TTC13: variants seen among roughly 807,000 people sequenced by gnomAD.
TTC13 encodes the protein tetratricopeptide repeat domain 13.
Under a neutral mutation model 120.0 loss-of-function variants are expected in TTC13, and 62 were observed. The ratio of observed to expected loss-of-function variants is 0.52; its 90% CI spans 0.42 to 0.64. The LOEUF is 0.64. TTC13 is among the 30% of genes least tolerant of loss of function. The pLI is 0.00. For missense variants in TTC13, 824 were observed against 1,050.2 expected, an observed-to-expected ratio of 0.78 and a Z score of 2.98; for synonymous variants, 384 against 393.5, an observed-to-expected ratio of 0.98 and a Z score of 0.28.
At chr1:230,968,786 T>A (rs1677420773) in intron 1 of TTC13, among the ~76,000 whole-genome samples, 1 of 151,598 alleles carries the variant, frequency 6.6e-6, no homozygotes, top group Non-Finnish European at 1.5e-5. Flanking sequence ...AAACAAGGAG[T>A]TTAAGAGGAA....
intron 1 of TTC13, among the ~76,000 whole-genome samples, chr1:230,971,794 A>G (rs1677780682): frequency 6.6e-6 from 1 of 152,238 alleles, no homozygotes; most frequent in African/African-American, 2.4e-5. Context: ...GGAACAGAAC[A>G]GAAGAAGGAT....
intron 18 of TTC13, among the ~76,000 whole-genome samples, chr1:230,913,603 G>C (rs994100560): frequency 3.9e-5 from 6 of 152,134 alleles, no homozygotes; most frequent in Admixed American, 6.5e-5. Context: ...TTCCCATCTT[G>C]GCCTCCCAAT....
chr1:230,953,850 T>C (rs537988105), intron 4 of TTC13, among the ~76,000 whole-genome samples: 2 of 152,208 alleles, frequency 1.3e-5, no homozygotes, highest in Non-Finnish European at 2.9e-5. Context: ...AATACTTCAC[T>C]GAGGAGTCTC....
At chr1:230,965,548 G>A (rs954146737) in intron 1 of TTC13, among the ~76,000 whole-genome samples, 4 of 152,354 alleles carry the variant, frequency 2.6e-5, no homozygotes, top group Admixed American at 2.6e-4. Context: ...AACCACGATA[G>A]AGAACAGTTT....
intron 1 of TTC13, among the ~76,000 whole-genome samples, chr1:230,976,609 G>A (rs1439307131): frequency 6.6e-6 from 1 of 152,176 alleles, no homozygotes; most frequent in African/African-American, 2.4e-5. Flanking sequence ...AGCCAGGGGA[G>A]GTGATCTGAA....
At chr1:230,936,299 T>C (rs578219236) in intron 8 of TTC13, 9 of 453,490 alleles carry the variant, frequency 2.0e-5, no homozygotes, top group Non-Finnish European at 3.5e-5. Flanking sequence ...ATCAAGATTT[T>C]AAGGCGTTGG....
At chr1:230,915,741 A>G (rs944441494) in intron 18 of TTC13, among the ~76,000 whole-genome samples, 1 of 152,086 alleles carries the variant, frequency 6.6e-6, no homozygotes, top group Non-Finnish European at 1.5e-5. Context: ...ATTTTCTACA[A>G]TAAGATTATA....
At chr1:230,913,200 T>G (rs910970482) in intron 18 of TTC13, among the ~76,000 whole-genome samples, 1 of 152,160 alleles carries the variant, frequency 6.6e-6, no homozygotes, top group Non-Finnish European at 1.5e-5. Flanking sequence ...AAAAAAAAAG[T>G]GGAGCTGAAG....
At chr1:230,935,392 G>A (rs1352985600) in intron 8 of TTC13, among the ~76,000 whole-genome samples, 1 of 152,192 alleles carries the variant, frequency 6.6e-6, no homozygotes, top group African/African-American at 2.4e-5. Flanking sequence ...CTCTGAGAAT[G>A]AAGAGAAAGA....
At chr1:230,954,452 A>C (rs1251304003) in intron 3 of TTC13, 49 bp from the exon 4 acceptor site, 1 of 1,387,634 alleles carries the variant, frequency 7.2e-7, no homozygotes, top group Admixed American at 1.9e-5. Context: ...AAGTAGTTCT[A>C]ACTAGAATCA....
intron 1 of TTC13, among the ~76,000 whole-genome samples, chr1:230,974,775 G>A (rs1443729005): frequency 6.6e-6 from 1 of 152,140 alleles, no homozygotes; most frequent in African/African-American, 2.4e-5. Flanking sequence ...GTAGCATCTA[G>A]CAGGTATACA....
intron 17 of TTC13, among the ~76,000 whole-genome samples, chr1:230,917,072 T>C (rs940085492): frequency 1.3e-5 from 2 of 151,996 alleles, no homozygotes; most frequent in African/African-American, 4.8e-5. Flanking sequence ...GGGGAGAGCT[T>C]GTCTAGAAAC....
intron 1 of TTC13, among the ~76,000 whole-genome samples, chr1:230,974,076 C>CAA (rs56139200): frequency 3.7e-4 from 38 of 103,720 alleles, no homozygotes; most frequent in African/African-American, 8.4e-4. Flanking sequence ...TACTCCATCT[C>CAA]AAAAAAAAAA....
chr1:230,968,949 T>A (rs186104006), intron 1 of TTC13, among the ~76,000 whole-genome samples: 1 of 152,320 alleles, frequency 6.6e-6, no homozygotes, highest in East Asian at 1.9e-4. Context: ...TTATGGTGGA[T>A]GATAAGCTGA....
Position 230,912,682 on chromosome 1 carries a change from C to T in TTC13, c.2170G>A (p.Ala724Thr), listed in dbSNP as rs1425856261. Reference sequence around the variant, plus strand: ...TTTGCTGTCAAATCTTTATAAAGTGCATCTATTTCAGCATGATATAATTGT... The same window carrying T: ...TTTGCTGTCAAATCTTTATAAAGTGTATCTATTTCAGCATGATATAATTGT... ...RTQLYHAEID[A>T]LYKDLTAKGK... The change falls in exon 19 of 23, where the codon GCA becomes ACA. Residue 724 changes from alanine to threonine, a missense_variant. Around this residue, in one of 4 missense-constraint regions of TTC13, gnomAD observed 226 missense variants for 259.1 expected, o/e 0.87. Coordinates refer to ENST00000366661, the MANE Select transcript of TTC13 (RefSeq NM_024525.5). 1.9e-6 allele frequency: 3 copies of T among 1,612,536 alleles called. No individual in the cohort carries two copies. Among genetic ancestry groups the T allele is most frequent in the Admixed American group, 1.7e-5 (1 of 59,880 alleles).
intron 1 of TTC13, among the ~76,000 whole-genome samples, chr1:230,970,732 A>AGAAAACT (rs1677650947): frequency 6.6e-6 from 1 of 152,312 alleles, no homozygotes; most frequent in African/African-American, 2.4e-5. Context: ...ACTGACTGAA[A>AGAAAACT]GCTTATAAGT....
chr1:230,971,645 TTTTG>T (rs1206563679), intron 1 of TTC13, among the ~76,000 whole-genome samples: 5 of 152,224 alleles, frequency 3.3e-5, no homozygotes, highest in African/African-American at 1.2e-4. Flanking sequence ...GACAGAAGTT[TTTTG>T]TTTTTTAACA....
chr1:230,943,769 C>G (rs930956030), intron 6 of TTC13, 37 bp downstream of exon 6: 1 of 1,503,470 alleles, frequency 6.7e-7, no homozygotes, highest in African/African-American at 1.4e-5. Context: ...TTCAACTAAT[C>G]CAATAATGAC....
intron 18 of TTC13, 101 bp from the exon 19 acceptor site, chr1:230,912,859 C>T (rs1671657363): frequency 1.9e-6 from 2 of 1,034,656 alleles, no homozygotes; most frequent in Admixed American, 4.6e-5. Context: ...TGACGTAGCA[C>T]TAAACATATA....
Sources: gnomAD v4.1 joint callset for allele counts (sites outside exome capture counted in the v4.1 genomes callset) on GRCh38, gnomAD v4.1.1 for gene constraint, gnomAD v4.1.1 regional missense constraint, MANE v1.5 for transcripts, NCBI Gene and HGNC (gene_info 2026-07-23, HGNC 2026-07-21) for gene names.